The following GRM5 variants were observed in gnomAD, a reference collection of about 807,000 sequenced individuals.
GRM5 encodes metabotropic glutamate receptor 5.
GRM5 carries 19 observed loss-of-function variants against 83.1 expected under a neutral mutation model. The ratio of observed to expected loss-of-function variants is 0.23; its 90% CI spans 0.16 to 0.34. GRM5 has a LOEUF of 0.34. Among genes scored for constraint, GRM5 ranks in the 10% least tolerant of loss-of-function variants. GRM5 has a pLI of 1.00. For missense variants in GRM5, 1,160 were observed against 1,588.3 expected, an observed-to-expected ratio of 0.73 and a Z score of 4.58; for synonymous variants, 675 against 633.6, an observed-to-expected ratio of 1.07 and a Z score of -0.98.
chr11:88,934,177 T>G (rs920305068), intron 2 of GRM5, among the ~76,000 whole-genome samples: 1 of 151,866 alleles, frequency 6.6e-6, no homozygotes, highest in African/African-American at 2.4e-5. Flanking sequence ...AGAGGCCTTC[T>G]TCTTGATTCC....
intron 3 of GRM5, among the ~76,000 whole-genome samples, chr11:88,763,443 C>G (rs1203816111): frequency 6.6e-6 from 1 of 151,714 alleles, no homozygotes; most frequent in Non-Finnish European, 1.5e-5. Flanking sequence ...ATTACATAAT[C>G]AAACACTAAA....
intron 2 of GRM5, among the ~76,000 whole-genome samples, chr11:88,956,938 G>C (rs1040953948): frequency 4.0e-5 from 6 of 151,806 alleles, no homozygotes; most frequent in African/African-American, 1.2e-4. Flanking sequence ...GGGTTATTGT[G>C]AGAACTTAGG....
At chr11:88,965,686 A>T (rs1167288832) in intron 2 of GRM5, among the ~76,000 whole-genome samples, 2 of 152,106 alleles carry the variant, frequency 1.3e-5, no homozygotes, top group Admixed American at 6.6e-5. Flanking sequence ...CAATCAGGTC[A>T]TTTCTCTAAG....
intron 2 of GRM5, among the ~76,000 whole-genome samples, chr11:89,008,491 T>G (rs1940592469): frequency 6.6e-6 from 1 of 152,154 alleles, no homozygotes; most frequent in African/African-American, 2.4e-5. Flanking sequence ...TATGTTTCTA[T>G]AGACATCAAG....
intron 2 of GRM5, among the ~76,000 whole-genome samples, chr11:88,951,699 AAAC>A (rs763414321): frequency 7.2e-5 from 11 of 152,238 alleles, no homozygotes; most frequent in Non-Finnish European, 1.2e-4. Context: ...TATAAATTGT[AAAC>A]AACAACGTCT....
intron 7 of GRM5, among the ~76,000 whole-genome samples, chr11:88,576,922 C>T (rs1347866434): frequency 6.6e-6 from 1 of 152,070 alleles, no homozygotes; most frequent in Non-Finnish European, 1.5e-5. Context: ...GATCCCTTTC[C>T]TGCAGTTTTA....
intron 2 of GRM5, among the ~76,000 whole-genome samples, chr11:89,042,432 T>C (rs1941555635): frequency 6.6e-6 from 1 of 152,192 alleles, no homozygotes. Flanking sequence ...TAGAGTTATG[T>C]GACCTTTCTA....
intron 4 of GRM5, among the ~76,000 whole-genome samples, chr11:88,647,494 G>T (rs1939496686): frequency 6.6e-6 from 1 of 151,678 alleles, no homozygotes; most frequent in Admixed American, 6.6e-5. Flanking sequence ...AGAGGCTCAA[G>T]AATCAATTCA....
chr11:88,571,715 G>C (rs1943005815), intron 7 of GRM5, among the ~76,000 whole-genome samples: 1 of 152,074 alleles, frequency 6.6e-6, no homozygotes, highest in African/African-American at 2.4e-5. Context: ...TACCCATCGT[G>C]CAAATGCCTT....
intron 3 of GRM5, among the ~76,000 whole-genome samples, chr11:88,824,125 G>A (rs1393224708): frequency 6.6e-6 from 1 of 151,848 alleles, no homozygotes; most frequent in African/African-American, 2.4e-5. Flanking sequence ...GCATTCCTTC[G>A]GTCTTTGTAA....
At chr11:88,581,203 A>G (rs1023919812) in intron 7 of GRM5, among the ~76,000 whole-genome samples, 2 of 152,180 alleles carry the variant, frequency 1.3e-5, no homozygotes, top group African/African-American at 2.4e-5. Flanking sequence ...AAATCAATCC[A>G]TCTATCTCTC....
chr11:88,703,473 G>A (rs1287871860), intron 3 of GRM5, among the ~76,000 whole-genome samples: 1 of 152,078 alleles, frequency 6.6e-6, no homozygotes, highest in Non-Finnish European at 1.5e-5. Flanking sequence ...ACCAAACCTA[G>A]TTCAATTAGG....
chr11:88,696,061 C>A (rs1238763337), intron 3 of GRM5, among the ~76,000 whole-genome samples: 4 of 152,116 alleles, frequency 2.6e-5, no homozygotes, highest in Non-Finnish European at 5.9e-5. Context: ...AATTGGGTCA[C>A]ACTTGGGCTT....
chr11:89,057,659 T>C (rs142809281), intron 1 of GRM5, among the ~76,000 whole-genome samples: 2,800 of 152,248 alleles, frequency 0.018, 83 homozygotes, highest in African/African-American at 0.065. Flanking sequence ...AGTTTAATTA[T>C]AAAGCAGGGA....
intron 2 of GRM5, among the ~76,000 whole-genome samples, chr11:88,885,439 G>T (rs1945026458): frequency 9.3e-6 from 1 of 107,242 alleles, no homozygotes. Context: ...GAATTCTATA[G>T]TAGGTACCAT....
chr11:88,789,876 A>G (rs988742151), intron 3 of GRM5, among the ~76,000 whole-genome samples: 16 of 151,750 alleles, frequency 1.1e-4, no homozygotes, highest in African/African-American at 3.6e-4. Flanking sequence ...TTTTTTTGAT[A>G]TGGAGTCCCA....
At chr11:88,820,392 A>AAAAAAAG (rs1170201961) in intron 3 of GRM5, among the ~76,000 whole-genome samples, 2,230 of 148,902 alleles carry the variant, frequency 0.015, 88 homozygotes, top group African/African-American at 0.055. Context: ...AAAAAAAAAA[A>AAAAAAAG]AGCCAATATA....
At chr11:88,641,937 C>T (rs77949941) in intron 4 of GRM5, among the ~76,000 whole-genome samples, 3,813 of 152,280 alleles carry the variant, frequency 0.025, 211 homozygotes, top group Admixed American at 0.14. Flanking sequence ...GCCCCCTTCT[C>T]ACAGTTGCAC....
intron 3 of GRM5, among the ~76,000 whole-genome samples, chr11:88,828,719 T>C (rs919845512): frequency 5.3e-5 from 8 of 152,046 alleles, no homozygotes; most frequent in African/African-American, 1.7e-4. Context: ...TTTGTGTTAA[T>C]AAAATTATTG....
Sources: allele counts gnomAD v4.1 joint callset (sites outside exome capture counted in the v4.1 genomes callset), GRCh38; gene constraint gnomAD v4.1.1; transcripts MANE v1.5; gene names NCBI Gene and HGNC (gene_info 2026-07-23, HGNC 2026-07-21).